The following ADGRB3 variants were observed in gnomAD, a reference collection of about 807,000 sequenced individuals.
ADGRB3 encodes the protein brain-specific angiogenesis inhibitor 3.
Under a neutral mutation model 193.4 loss-of-function variants are expected in ADGRB3, and 37 were observed. That is an observed-to-expected ratio of 0.19 (90% CI 0.15 to 0.25). The LOEUF (loss-of-function observed/expected upper bound fraction) is 0.25, where lower values mean the gene tolerates loss of function less well. Among genes scored for constraint, ADGRB3 ranks in the 10% least tolerant of loss-of-function variants. The probability of loss-of-function intolerance (pLI) is 1.00; values close to 1 mark genes in which losing one functional copy is unlikely to be tolerated. For missense variants in ADGRB3, 1,637 were observed against 1,852.9 expected (o/e 0.88, Z 2.14); for synonymous variants, 690 against 644.2 (o/e 1.07, Z -1.08).
At chr6:68,940,721 G>A (rs1302075130) in intron 5 of ADGRB3, among the ~76,000 whole-genome samples, 5 of 151,690 alleles carry the variant, frequency 3.3e-5, no homozygotes, top group East Asian at 1.9e-4. Flanking sequence ...GTGAAACCCC[G>A]TCTCCAGTAA....
intron 11 of ADGRB3, among the ~76,000 whole-genome samples, chr6:69,003,794 C>T (rs540798672): frequency 3.3e-5 from 5 of 152,194 alleles, no homozygotes; most frequent in Admixed American, 1.3e-4. Flanking sequence ...TAAATCCTAC[C>T]GTGAACGAAT....
intron 3 of ADGRB3, among the ~76,000 whole-genome samples, chr6:68,920,015 G>C (rs1353744061): frequency 6.6e-6 from 1 of 152,174 alleles, no homozygotes; most frequent in Non-Finnish European, 1.5e-5. Flanking sequence ...GATGGAAGCA[G>C]AGTACAGCTG....
chr6:69,032,175 G>A (rs900024855), intron 13 of ADGRB3, among the ~76,000 whole-genome samples: 1 of 152,108 alleles, frequency 6.6e-6, no homozygotes, highest in African/African-American at 2.4e-5. Flanking sequence ...GTATATGAAA[G>A]ATCTTGGAAT....
chr6:69,006,032 C>T (rs550412634), intron 11 of ADGRB3, among the ~76,000 whole-genome samples: 1 of 152,014 alleles, frequency 6.6e-6, no homozygotes, highest in South Asian at 2.1e-4. Context: ...CTTGGTCTTG[C>T]TTGATTAGGA....
At chr6:69,009,051 G>T (rs558210990) in intron 11 of ADGRB3, among the ~76,000 whole-genome samples, 1 of 152,088 alleles carries the variant, frequency 6.6e-6, no homozygotes, top group East Asian at 1.9e-4. Context: ...TGAATGCTTA[G>T]CCCATTTCCT....
chr6:69,042,757 A>G (rs902644016), intron 13 of ADGRB3, among the ~76,000 whole-genome samples: 2 of 152,162 alleles, frequency 1.3e-5, no homozygotes, highest in Non-Finnish European at 2.9e-5. Flanking sequence ...TAACTGGGCA[A>G]TTTTCTACTA....
intron 3 of ADGRB3, among the ~76,000 whole-genome samples, chr6:68,845,845 G>A (rs1237175064): frequency 6.6e-6 from 1 of 152,156 alleles, no homozygotes; most frequent in Non-Finnish European, 1.5e-5. Flanking sequence ...GTAGAGTGGG[G>A]TGCTGCTGAA....
At chr6:69,146,294 C>T (rs141965565) in intron 17 of ADGRB3, among the ~76,000 whole-genome samples, 2 of 152,202 alleles carry the variant, frequency 1.3e-5, no homozygotes, top group Non-Finnish European at 2.9e-5. Flanking sequence ...GTGACAGTGC[C>T]CAGGCTTGGC....
At chr6:69,154,663 G>A (rs1295554574) in intron 17 of ADGRB3, among the ~76,000 whole-genome samples, 3 of 152,202 alleles carry the variant, frequency 2.0e-5, no homozygotes, top group Non-Finnish European at 2.9e-5. Flanking sequence ...ATGAGCTTGT[G>A]TTAGTGTCAG....
chr6:69,097,544 A>G (rs1411025591), intron 17 of ADGRB3, among the ~76,000 whole-genome samples: 13 of 152,244 alleles, frequency 8.5e-5, no homozygotes, highest in Non-Finnish European at 1.6e-4. Context: ...TCTATATGGT[A>G]GTAAGAATAA....
intron 3 of ADGRB3, among the ~76,000 whole-genome samples, chr6:68,894,326 G>T (rs995469630): frequency 9.9e-5 from 15 of 151,876 alleles, no homozygotes; most frequent in African/African-American, 3.6e-4. Context: ...TAAAATATGG[G>T]CATATTGTAT....
chr6:69,020,345 C>A (rs1770226799), intron 13 of ADGRB3, among the ~76,000 whole-genome samples: 2 of 152,000 alleles, frequency 1.3e-5, no homozygotes. Context: ...GTTTCAGAAT[C>A]ACAGCGTATC....
At chr6:68,751,054 T>C (rs1766188539) in intron 3 of ADGRB3, among the ~76,000 whole-genome samples, 2 of 152,194 alleles carry the variant, frequency 1.3e-5, no homozygotes, top group African/African-American at 4.8e-5. Flanking sequence ...TCTCCTCCAC[T>C]TGTACTGCTG....
At chr6:69,043,683 A>T (rs927658959) in intron 13 of ADGRB3, among the ~76,000 whole-genome samples, 3 of 152,234 alleles carry the variant, frequency 2.0e-5, no homozygotes, top group African/African-American at 7.2e-5. Flanking sequence ...TCAGCTCTTG[A>T]TAGTAACATT....
At chr6:68,704,364 TAAGAA>T (rs1431270946) in intron 3 of ADGRB3, among the ~76,000 whole-genome samples, 3 of 152,198 alleles carry the variant, frequency 2.0e-5, no homozygotes, top group Non-Finnish European at 4.4e-5. Flanking sequence ...CATTAAAAGT[TAAGAA>T]GAGAACAGCA....
At chr6:69,156,733 T>C (rs1422234764) in intron 17 of ADGRB3, among the ~76,000 whole-genome samples, 2 of 152,230 alleles carry the variant, frequency 1.3e-5, no homozygotes, top group Non-Finnish European at 2.9e-5. Flanking sequence ...CCAATGTTGT[T>C]ATGAAAATAG....
At chr6:69,287,500 A>G (rs1767578159) in intron 20 of ADGRB3, among the ~76,000 whole-genome samples, 1 of 152,230 alleles carries the variant, frequency 6.6e-6, no homozygotes, top group African/African-American at 2.4e-5. Flanking sequence ...AACAAACTGA[A>G]TCTACATGTA....
intron 3 of ADGRB3, among the ~76,000 whole-genome samples, chr6:68,678,175 C>A (rs1361112620): frequency 3.3e-5 from 5 of 152,174 alleles, no homozygotes; most frequent in African/African-American, 9.6e-5. Context: ...AATCCCAGCT[C>A]TTTGGGAGGC....
chr6:68,668,654 T>C (rs888105147), intron 3 of ADGRB3, among the ~76,000 whole-genome samples: 2 of 151,948 alleles, frequency 1.3e-5, no homozygotes, highest in Admixed American at 6.6e-5. Flanking sequence ...GTAATTTTCT[T>C]AAGTTTGGAA....
Sources: allele counts gnomAD v4.1 joint callset (sites outside exome capture counted in the v4.1 genomes callset), GRCh38; gene constraint gnomAD v4.1.1; transcripts MANE v1.5; gene names NCBI Gene and HGNC (gene_info 2026-07-23, HGNC 2026-07-21).